Variants in NKAIN2 observed in about 807,000 individuals in gnomAD.
NKAIN2 encodes sodium/potassium transporting ATPase interacting 2.
Under a neutral mutation model 32.6 loss-of-function variants are expected in NKAIN2, and 14 were observed. The ratio of observed to expected loss-of-function variants is 0.43; its 90% CI spans 0.28 to 0.67. The LOEUF (loss-of-function observed/expected upper bound fraction) is 0.67. NKAIN2 is among the 30% of genes least tolerant of loss of function. The pLI is 0.17. For missense variants in NKAIN2, 198 were observed against 258.3 expected (o/e 0.77, Z 1.60); for synonymous variants, 80 against 87.2 (o/e 0.92, Z 0.46).
intron 3 of NKAIN2, among the ~76,000 whole-genome samples, chr6:124,420,518 T>A (rs1405161566): frequency 6.6e-6 from 1 of 152,180 alleles, no homozygotes; most frequent in African/African-American, 2.4e-5. Flanking sequence ...GGTGATTTCT[T>A]TTTTAAGAAA....
At chr6:124,134,849 ATC>A (rs1786655509) in intron 1 of NKAIN2, among the ~76,000 whole-genome samples, 3 of 152,326 alleles carry the variant, frequency 2.0e-5, no homozygotes, top group Admixed American at 1.3e-4. Context: ...ACATCAGGTT[ATC>A]TAAAGTCAAG....
chr6:124,362,026 T>G (rs1327077471), intron 3 of NKAIN2, among the ~76,000 whole-genome samples: 1 of 152,054 alleles, frequency 6.6e-6, no homozygotes, highest in African/African-American at 2.4e-5. Flanking sequence ...TTTTTTTATT[T>G]GAAAAAATAA....
At chr6:124,429,456 G>T (rs536405732) in intron 3 of NKAIN2, among the ~76,000 whole-genome samples, 2 of 152,132 alleles carry the variant, frequency 1.3e-5, no homozygotes, top group African/African-American at 4.8e-5. Flanking sequence ...TCTCTCCTCT[G>T]TGTTCCCATG....
intron 1 of NKAIN2, among the ~76,000 whole-genome samples, chr6:124,124,442 T>A (rs924993768): frequency 1.3e-5 from 2 of 152,194 alleles, no homozygotes; most frequent in Non-Finnish European, 2.9e-5. Context: ...ATGACAAATC[T>A]ATTATTTGTT....
chr6:124,336,800 A>G (rs999696068), intron 2 of NKAIN2, among the ~76,000 whole-genome samples: 1 of 151,704 alleles, frequency 6.6e-6, no homozygotes, highest in African/African-American at 2.4e-5. Flanking sequence ...CAGCCTCCCA[A>G]GTAGCTGGGA....
At chr6:124,094,133 C>G (rs1784549109) in intron 1 of NKAIN2, among the ~76,000 whole-genome samples, 1 of 152,056 alleles carries the variant, frequency 6.6e-6, no homozygotes, top group Non-Finnish European at 1.5e-5. Context: ...AACAATGCAG[C>G]TTTAAGATAC....
At chr6:124,721,221 G>A (rs373438861) in intron 4 of NKAIN2, among the ~76,000 whole-genome samples, 15 of 151,936 alleles carry the variant, frequency 9.9e-5, no homozygotes, top group Admixed American at 7.9e-4. Flanking sequence ...TCGAGACCAC[G>A]GTGAAACCCC....
intron 1 of NKAIN2, among the ~76,000 whole-genome samples, chr6:124,054,681 A>G (rs1005251298): frequency 1.3e-5 from 2 of 152,026 alleles, no homozygotes; most frequent in Admixed American, 6.6e-5. Flanking sequence ...GAGATCAGCA[A>G]AGGAAGGAGT....
intron 1 of NKAIN2, among the ~76,000 whole-genome samples, chr6:123,940,759 C>T (rs59804182): frequency 0.033 from 5,058 of 151,926 alleles, 253 homozygotes; most frequent in African/African-American, 0.11. Flanking sequence ...GAGTGAGTCA[C>T]GGTGAGTGAA....
chr6:124,813,433 T>C (rs891546731), intron 5 of NKAIN2, among the ~76,000 whole-genome samples: 15 of 152,058 alleles, frequency 9.9e-5, no homozygotes. Context: ...AATAAGGAAC[T>C]CAAAGCAAGA....
intron 2 of NKAIN2, among the ~76,000 whole-genome samples, chr6:124,349,570 C>T (rs1195768859): frequency 6.6e-6 from 1 of 152,066 alleles, no homozygotes; most frequent in Non-Finnish European, 1.5e-5. Context: ...TGTAATATTT[C>T]CCTGTAGCTT....
chr6:124,631,015 A>G (rs1346299643), intron 3 of NKAIN2, among the ~76,000 whole-genome samples: 5 of 152,218 alleles, frequency 3.3e-5, no homozygotes, highest in Non-Finnish European at 7.3e-5. Flanking sequence ...TTTTCTAATG[A>G]TTAATGCTTA....
chr6:124,237,607 T>G (rs1436061254), intron 1 of NKAIN2, among the ~76,000 whole-genome samples: 1 of 152,160 alleles, frequency 6.6e-6, no homozygotes, highest in Non-Finnish European at 1.5e-5. Context: ...GGTATGTGTA[T>G]GTATTTTAAG....
chr6:124,166,471 T>C (rs1353385578), intron 1 of NKAIN2, among the ~76,000 whole-genome samples: 1 of 150,630 alleles, frequency 6.6e-6, no homozygotes, highest in East Asian at 2.0e-4. Context: ...GTAGGTTGCC[T>C]GTTCACTCTG....
chr6:124,558,818 G>T (rs1036350872), intron 3 of NKAIN2, among the ~76,000 whole-genome samples: 1 of 152,094 alleles, frequency 6.6e-6, no homozygotes, highest in Non-Finnish European at 1.5e-5. Flanking sequence ...GCATGGTGGT[G>T]TGTGCCTGTA....
At position 124,736,857 on chromosome 6, in the gene NKAIN2, A is replaced by C. The variant is rs900539083; in HGVS notation, c.475-54482A>C. On this transcript the variant is annotated intron_variant, in intron 4 of 6. Coordinates refer to ENST00000368417, the MANE Select transcript of NKAIN2 (RefSeq NM_001040214.3). ...TTGTTTTTATGCCTGCTAACACAAC[A>C]ACCATTCTGCAGCCCATGGATCAAG... 1.4e-4 allele frequency among the ~76,000 whole-genome samples: 22 copies of C among 152,110 alleles called. No homozygotes were observed. The South Asian group carries it at 2.1e-3, about 14-fold the overall frequency.
At chr6:124,647,496 CAAAAAA>C (rs1157607122) in intron 3 of NKAIN2, among the ~76,000 whole-genome samples, 5 of 58,944 alleles carry the variant, frequency 8.5e-5, no homozygotes, top group South Asian at 9.5e-4. Context: ...GAGACTCTGT[CAAAAAA>C]AAAAAAAAAA....
intron 3 of NKAIN2, among the ~76,000 whole-genome samples, chr6:124,601,046 A>G (rs1461879581): frequency 6.6e-6 from 1 of 152,046 alleles, no homozygotes; most frequent in Non-Finnish European, 1.5e-5. Context: ...GAAGGACAAA[A>G]TTATCATAGA....
chr6:124,220,122 A>T (rs536717624), intron 1 of NKAIN2, among the ~76,000 whole-genome samples: 13 of 152,258 alleles, frequency 8.5e-5, no homozygotes, highest in Admixed American at 2.0e-4. Flanking sequence ...TTATTAGATC[A>T]TGGGGGTGGC....
Sources: gnomAD v4.1 joint callset for allele counts (sites outside exome capture counted in the v4.1 genomes callset) on GRCh38, gnomAD v4.1.1 for gene constraint, MANE v1.5 for transcripts, NCBI Gene and HGNC (gene_info 2026-07-23, HGNC 2026-07-21) for gene names.